The following UBE2N variants were observed in gnomAD, a reference collection of about 807,000 sequenced individuals.
The protein encoded by UBE2N is ubiquitin conjugating enzyme E2 N, also known as ubiquitin-conjugating enzyme E2 N.
For synonymous variants in UBE2N, 70 were observed against 69.2 expected (o/e 1.01, Z -0.06); for missense variants, 60 against 192.1 (o/e 0.31, Z 4.07).
chr12:93,436,628 C>CT lies in UBE2N; in HGVS notation c.30+5226dup, dbSNP rs879769561. Among the ~76,000 whole-genome samples the CT allele has an allele frequency of 9.4e-4, 138 of 146,070 alleles. No individual in the cohort carries two copies. The Middle Eastern group carries it at 0.011, about 11-fold the overall frequency. On this transcript the variant is annotated intron_variant, in intron 1 of 3. Transcript: ENST00000318066. ...TATGACTTTAAGCTTTAACTGCTCA[C>CT]TTTTTTTTTTTTGGTGGAGATGGAG...
chr12:93,426,729 T>TCA (rs773082541), intron 1 of UBE2N, among the ~76,000 whole-genome samples: 9 of 152,158 alleles, frequency 5.9e-5, no homozygotes, highest in Non-Finnish European at 1.3e-4. Flanking sequence ...TCAATGTCTC[T>TCA]CACTTTCCTT....
chr12:93,441,687 C>T (rs1249315058), intron 1 of UBE2N, among the ~76,000 whole-genome samples, 168 bp downstream of exon 1: 2 of 152,016 alleles, frequency 1.3e-5, no homozygotes, highest in Non-Finnish European at 2.9e-5. Flanking sequence ...TCCCCGGCGC[C>T]CCCTCCTCAG....
chr12:93,416,919 A>G (rs1878235992), intron 1 of UBE2N, among the ~76,000 whole-genome samples: 1 of 151,802 alleles, frequency 6.6e-6, no homozygotes, highest in Non-Finnish European at 1.5e-5. Flanking sequence ...AGTTGTTTAC[A>G]GAAAAACAGA....
rs1878898261 is a variant in UBE2N at position 93,435,185 on chromosome 12, C to CA, written c.30+6669dup. 1.3e-5 allele frequency among the ~76,000 whole-genome samples: 2 copies of CA among 152,080 alleles called. 1 individual carries two copies. Among genetic ancestry groups the CA allele is most frequent in the Middle Eastern group, 6.3e-3 (2 of 316 alleles). On this transcript the variant is annotated intron_variant, in intron 1 of 3. Transcript: ENST00000318066. ...CAAGTATTTTCAGAGCTTAAAACAA[C>CA]AGATAGGACAGGCGCGGTGACTCAC...
Position 93,436,442 on chromosome 12 carries a change from A to C in UBE2N, c.30+5413T>G, listed in dbSNP as rs541379211. The stretch of plus-strand genomic sequence containing the variant: ...CTGAAAAGACCATTAAAGGAATGTC[A>C]GTCACTGTATCAACGTAACATGTAA... On this transcript the variant is annotated intron_variant, in intron 1 of 3. Coordinates refer to ENST00000318066, the MANE Select transcript of UBE2N (RefSeq NM_003348.4). 2.6e-5 allele frequency among the ~76,000 whole-genome samples: 4 copies of C among 152,326 alleles called. No homozygotes were observed. In the Middle Eastern group the frequency reaches 0.01, roughly 389 times the overall value.
intron 1 of UBE2N, among the ~76,000 whole-genome samples, chr12:93,435,044 C>T (rs924653712): frequency 9.2e-5 from 14 of 152,122 alleles, no homozygotes; most frequent in Non-Finnish European, 2.1e-4. Flanking sequence ...AGGATTACTG[C>T]ATGAACCACC....
chr12:93,433,532 C>T (rs928174965), intron 1 of UBE2N, among the ~76,000 whole-genome samples: 2 of 152,206 alleles, frequency 1.3e-5, no homozygotes, highest in South Asian at 2.1e-4. Flanking sequence ...AAAATTTCAA[C>T]TCTAATGAAA....
chr12:93,431,024 C>T (rs979393926), intron 1 of UBE2N, among the ~76,000 whole-genome samples: 4 of 151,036 alleles, frequency 2.6e-5, no homozygotes, highest in Admixed American at 1.3e-4. Flanking sequence ...GTCAGGAGTT[C>T]GAGACCAGCC....
intron 1 of UBE2N, 109 bp downstream of exon 1, chr12:93,441,746 G>C: frequency 6.9e-7 from 1 of 1,448,874 alleles, no homozygotes; most frequent in African/African-American, 1.5e-5. Context: ...GCGCCGCCTC[G>C]GGCCTCCCAG....
intron 1 of UBE2N, among the ~76,000 whole-genome samples, chr12:93,413,343 G>C (rs1319006104): frequency 3.9e-5 from 6 of 151,998 alleles, no homozygotes; most frequent in African/African-American, 1.5e-4. Flanking sequence ...AAATGCACTG[G>C]GGCTCTATTC....
intron 1 of UBE2N, among the ~76,000 whole-genome samples, chr12:93,423,806 T>C (rs1878491387): frequency 6.6e-6 from 1 of 152,226 alleles, no homozygotes; most frequent in Admixed American, 6.5e-5. Flanking sequence ...TCCCCTTTTG[T>C]AATAACATTC....
chr12:93,417,845 TAAAG>T (rs1464962755), intron 1 of UBE2N, among the ~76,000 whole-genome samples: 8 of 152,024 alleles, frequency 5.3e-5, no homozygotes, highest in East Asian at 1.9e-4. Context: ...AAAATTTAAA[TAAAG>T]AAAAAAATTA....
At chr12:93,417,576 G>T (rs1878259292) in intron 1 of UBE2N, among the ~76,000 whole-genome samples, 1 of 152,134 alleles carries the variant, frequency 6.6e-6, no homozygotes, top group Non-Finnish European at 1.5e-5. Flanking sequence ...CAGTGATTAG[G>T]TTTTTTAGAA....
chr12:93,406,326 GAAAAATGA>G lies in UBE2N; in HGVS notation c.*3705_*3712del, dbSNP rs1877816809. 7.4e-5 allele frequency: 5 copies of G among 67,130 alleles called. No individual in the cohort carries two copies. The highest frequency in any genetic ancestry group is 1.6e-4 in the Non-Finnish European group (5 of 31,124). The allele number at this position is 67,130 out of a possible 1,614,324, so 4.2% of individuals were successfully genotyped here. A position where few individuals can be genotyped will look rare whatever the true frequency, so the allele number is the denominator to read the frequency against. On this transcript the variant is annotated 3_prime_UTR_variant, in exon 4 of 4. Transcript: ENST00000318066. The stretch of plus-strand genomic sequence containing the variant: ...AAAAAGGTTCCTGAACCATTCAACA[GAAAAATGA>G]GGCCTATTCCTATCATTTCCTCGAT...
At chr12:93,418,059 C>T (rs1878277497) in intron 1 of UBE2N, among the ~76,000 whole-genome samples, 1 of 152,050 alleles carries the variant, frequency 6.6e-6, no homozygotes, top group African/African-American at 2.4e-5. Context: ...TGGTCTCCTG[C>T]CTCAAGCAAT....
At chr12:93,417,497 A>G (rs1482936620) in intron 1 of UBE2N, among the ~76,000 whole-genome samples, 4 of 152,248 alleles carry the variant, frequency 2.6e-5, no homozygotes, top group African/African-American at 9.6e-5. Flanking sequence ...TCTTAGAAAA[A>G]GTGCTAATTT....
intron 2 of UBE2N, 75 bp downstream of exon 2, chr12:93,410,978 A>C: frequency 1.9e-6 from 3 of 1,613,884 alleles, no homozygotes; most frequent in Non-Finnish European, 1.7e-6. Flanking sequence ...TAATGTTTAC[A>C]TTCTAAACAT....
At chr12:93,420,026 C>T (rs752237993) in intron 1 of UBE2N, among the ~76,000 whole-genome samples, 2 of 152,168 alleles carry the variant, frequency 1.3e-5, no homozygotes, top group Non-Finnish European at 2.9e-5. Flanking sequence ...TCAAGACACA[C>T]CCCTCCCTTG....
chr12:93,433,224 CG>C (rs755353473), intron 1 of UBE2N, among the ~76,000 whole-genome samples: 12 of 151,978 alleles, frequency 7.9e-5, no homozygotes, highest in Non-Finnish European at 1.5e-4. Flanking sequence ...TGAGCCACCG[CG>C]CCTGGCCAGG....
Sources: gnomAD v4.1 joint callset for allele counts (sites outside exome capture counted in the v4.1 genomes callset) on GRCh38, gnomAD v4.1.1 for gene constraint, MANE v1.5 for transcripts, NCBI Gene and HGNC (gene_info 2026-07-23, HGNC 2026-07-21) for gene names.